DOCK5: variants seen among roughly 807,000 people sequenced by gnomAD.
DOCK5 encodes dedicator of cytokinesis protein 5.
A neutral mutation model predicts 251.8 loss-of-function variants in DOCK5; 142 were observed. The ratio of observed to expected loss-of-function variants is 0.56; its 90% CI spans 0.49 to 0.65. The LOEUF (loss-of-function observed/expected upper bound fraction) is 0.65. Ranked by LOEUF, DOCK5 falls within the 30% of genes least tolerant of loss-of-function variation. The pLI, the probability that DOCK5 is intolerant of heterozygous loss-of-function variation, is 0.00. For missense variants in DOCK5, 2,111 were observed against 2,312.3 expected (o/e 0.91, Z 1.79); for synonymous variants, 842 against 835.5 (o/e 1.01, Z -0.13).
At chr8:25,217,092 A>G (rs952580316) in intron 1 of DOCK5, among the ~76,000 whole-genome samples, 2 of 148,836 alleles carry the variant, frequency 1.3e-5, no homozygotes, top group Non-Finnish European at 3.0e-5. Context: ...TAATATGTGT[A>G]TATATACACA....
Position 25,408,052 on chromosome 8 carries a change from A to C in DOCK5, c.5163A>C (p.Arg1721Ser). 3 of 1,610,894 alleles carry C rather than the reference A, an allele frequency of 1.9e-6. No homozygotes were observed. The highest frequency in any genetic ancestry group is 1.3e-5 in the African/African-American group (1 of 74,942). Residue 1721 changes from arginine (R) to serine (S), a missense_variant, in exon 49 of 52, where the codon AGA (arginine) becomes AGC (serine). Transcript: ENST00000276440. ...SGARVEDLSL[R>S]EENSENRISK... ...CCAGAGTTGAAGATCTGTCCCTTAG[A>C]GAGGAGAACAGCGAGAACCGGATCA... is the stretch of plus-strand genomic sequence containing the variant.
intron 1 of DOCK5, among the ~76,000 whole-genome samples, chr8:25,224,339 G>A (rs1391650299): frequency 6.6e-6 from 1 of 152,060 alleles, no homozygotes; most frequent in African/African-American, 2.4e-5. Context: ...GGCTGGTCTC[G>A]AACTCCTGGC....
Position 25,330,184 on chromosome 8 carries a change from AT to A in DOCK5, c.1904-2066del, listed in dbSNP as rs1805651268. 2.6e-5 allele frequency among the ~76,000 whole-genome samples: 4 copies of A among 152,190 alleles called. No homozygotes were observed. In the South Asian group the frequency reaches 8.3e-4, roughly 31 times the overall value. On this transcript the variant is annotated intron_variant, in intron 18 of 51. Coordinates refer to ENST00000276440, the MANE Select transcript of DOCK5 (RefSeq NM_024940.8). ...GTGACAGAAATAAGAGCTGGAGAAT[AT>A]GGAAGTAGATGGTGCCTAGTGGATG... is the stretch of plus-strand genomic sequence containing the variant.
Position 25,351,206 on chromosome 8 carries a change from C to T in DOCK5, c.2755-525C>T, listed in dbSNP as rs368719362. ...CCGATTAGCTGGGACTACAGATGCC[C>T]GCCACCACGCCCGGCTAATGTTTTG... On this transcript the variant is annotated intron_variant, in intron 26 of 51. Coordinates refer to ENST00000276440, the MANE Select transcript of DOCK5 (RefSeq NM_024940.8). Among the ~76,000 whole-genome samples, 15 of 152,126 alleles carry T rather than the reference C, an allele frequency of 9.9e-5. No individual in the cohort carries two copies. The East Asian group carries it at 1.2e-3, about 12-fold the overall frequency.
Position 25,372,727 on chromosome 8 carries a change from C to T in DOCK5, c.3684+9C>T. 6.2e-7 allele frequency: 1 copy of T among 1,608,124 alleles called. No homozygotes were observed. The highest frequency in any genetic ancestry group is 8.5e-7 in the Non-Finnish European group (1 of 1,177,330). ...GCACTGTGAACGTGCTGGTATGTGA[C>T]ATGCCTCCGGTGTGATGGGAGGGTA... On this transcript the variant is annotated intron_variant, in intron 35 of 51. Coordinates refer to ENST00000276440, the MANE Select transcript of DOCK5 (RefSeq NM_024940.8).
chr8:25,335,356 G>C (rs1430168535), intron 21 of DOCK5, among the ~76,000 whole-genome samples: 1 of 152,038 alleles, frequency 6.6e-6, no homozygotes, highest in Non-Finnish European at 1.5e-5. Context: ...AGTAATCTGG[G>C]TTTACTTGCA....
intron 27 of DOCK5, 123 bp from the exon 28 acceptor site, chr8:25,358,840 A>G (rs1800624485): frequency 1.3e-6 from 1 of 783,298 alleles, no homozygotes; most frequent in Non-Finnish European, 2.2e-6. Context: ...GCGTGTTTCC[A>G]GTGTGGTGGG....
intron 21 of DOCK5, among the ~76,000 whole-genome samples, chr8:25,334,576 T>C (rs1202150700): frequency 6.6e-6 from 1 of 151,984 alleles, no homozygotes; most frequent in Non-Finnish European, 1.5e-5. Flanking sequence ...CCAGGTGTGG[T>C]GACACACACC....
chr8:25,299,496 C>T (rs549617296), intron 8 of DOCK5: 76 of 156,742 alleles, frequency 4.8e-4, no homozygotes, highest in Admixed American at 2.2e-3. Context: ...ATGCACAGGA[C>T]GTTCGATGCC....
intron 18 of DOCK5, among the ~76,000 whole-genome samples, chr8:25,330,750 A>T (rs961675183): frequency 6.6e-6 from 1 of 152,162 alleles, no homozygotes; most frequent in African/African-American, 2.4e-5. Flanking sequence ...ATATATTTCT[A>T]CAAATTCATT....
intron 1 of DOCK5, among the ~76,000 whole-genome samples, chr8:25,215,683 A>T (rs964319770): frequency 2.0e-5 from 3 of 152,130 alleles, no homozygotes; most frequent in African/African-American, 7.2e-5. Context: ...AACAGTATGT[A>T]TGATTAGAAC....
intron 16 of DOCK5, among the ~76,000 whole-genome samples, chr8:25,321,849 T>C (rs765786976): frequency 2.0e-5 from 3 of 152,142 alleles, no homozygotes; most frequent in Non-Finnish European, 4.4e-5. Flanking sequence ...CAAATAGGTA[T>C]AGGAAAGGCT....
chr8:25,228,964 C>A (rs930208773), intron 1 of DOCK5, among the ~76,000 whole-genome samples: 2 of 151,548 alleles, frequency 1.3e-5, no homozygotes, highest in Non-Finnish European at 2.9e-5. Flanking sequence ...GGCACAGTGT[C>A]TCACACCTGT....
intron 7 of DOCK5, 86 bp from the exon 8 acceptor site, chr8:25,298,858 A>G (rs1198252682): frequency 5.8e-6 from 8 of 1,382,594 alleles, no homozygotes; most frequent in East Asian, 2.6e-5. Flanking sequence ...TGCCATTTGC[A>G]GGCTTATTTA....
intron 18 of DOCK5, among the ~76,000 whole-genome samples, chr8:25,330,030 C>G (rs1428475764): frequency 1.3e-5 from 2 of 152,132 alleles, no homozygotes; most frequent in Non-Finnish European, 2.9e-5. Flanking sequence ...AACCTCTGGG[C>G]TGATAGATGG....
intron 34 of DOCK5, among the ~76,000 whole-genome samples, chr8:25,372,304 A>C (rs1800886734): frequency 6.6e-6 from 1 of 152,222 alleles, no homozygotes; most frequent in Non-Finnish European, 1.5e-5. Flanking sequence ...TGATGTTGGG[A>C]CTTGAGCTGA....
chr8:25,250,475 C>T (rs575695294), intron 2 of DOCK5, among the ~76,000 whole-genome samples: 4 of 152,134 alleles, frequency 2.6e-5, no homozygotes, highest in Non-Finnish European at 5.9e-5. Context: ...TATTTGGCAG[C>T]GAGGTAGCTG....
At chr8:25,384,361 C>T (rs142710680) in intron 40 of DOCK5, among the ~76,000 whole-genome samples, 38 of 151,988 alleles carry the variant, frequency 2.5e-4, no homozygotes, top group African/African-American at 9.2e-4. Context: ...TTATGTTTGT[C>T]AAAACTCACA....
chr8:25,215,601 C>A (rs757212954), intron 1 of DOCK5, among the ~76,000 whole-genome samples: 68 of 152,028 alleles, frequency 4.5e-4, no homozygotes, highest in Admixed American at 8.5e-4. Context: ...CCAAGCAGGG[C>A]AGGAGAGCAA....
Sources: gnomAD v4.1 joint callset for allele counts (sites outside exome capture counted in the v4.1 genomes callset) on GRCh38, gnomAD v4.1.1 for gene constraint, MANE v1.5 for transcripts, NCBI Gene and HGNC (gene_info 2026-07-23, HGNC 2026-07-21) for gene names.